The following LHFPL6 variants were observed in gnomAD, a reference collection of about 807,000 sequenced individuals.
The protein encoded by LHFPL6 is LHFPL tetraspan subfamily member 6 protein.
A neutral mutation model predicts 20.6 loss-of-function variants in LHFPL6; 9 were observed. The ratio of observed to expected loss-of-function variants is 0.44; its 90% CI spans 0.26 to 0.76. The LOEUF is 0.76. Ranked by LOEUF, LHFPL6 falls within the 30% of genes least tolerant of loss-of-function variation. The pLI is 0.20. For missense variants in LHFPL6, 218 were observed against 253.5 expected (o/e 0.86, Z 0.95); for synonymous variants, 105 against 98.7 (o/e 1.06, Z -0.38).
intron 2 of LHFPL6, among the ~76,000 whole-genome samples, chr13:39,409,740 T>G (rs1353935213): frequency 1.3e-5 from 2 of 152,088 alleles, no homozygotes; most frequent in East Asian, 3.9e-4. Flanking sequence ...CAGGTAACAG[T>G]AATTACAAAT....
At chr13:39,452,787 A>G (rs1872484896) in intron 2 of LHFPL6, among the ~76,000 whole-genome samples, 1 of 152,212 alleles carries the variant, frequency 6.6e-6, no homozygotes, top group South Asian at 2.1e-4. Flanking sequence ...AGACATATCC[A>G]TTGATAGTAT....
chr13:39,557,919 C>A (rs1871358538), intron 2 of LHFPL6, among the ~76,000 whole-genome samples: 1 of 152,128 alleles, frequency 6.6e-6, no homozygotes, highest in Non-Finnish European at 1.5e-5. Flanking sequence ...TCCCCCTTTG[C>A]TCTCTCATTC....
chr13:39,560,018 A>T (rs982278311), intron 2 of LHFPL6, among the ~76,000 whole-genome samples: 3 of 152,162 alleles, frequency 2.0e-5, no homozygotes, highest in African/African-American at 7.2e-5. Context: ...CACCCACAAG[A>T]CCAACTGAGC....
chr13:39,564,535 G>A (rs949548155), intron 2 of LHFPL6, among the ~76,000 whole-genome samples: 6 of 152,196 alleles, frequency 3.9e-5, no homozygotes, highest in East Asian at 1.9e-4. Flanking sequence ...TGCACCACCC[G>A]TAGCCACCAT....
intron 3 of LHFPL6, among the ~76,000 whole-genome samples, chr13:39,345,356 T>C (rs1162709873): frequency 6.6e-6 from 1 of 150,468 alleles, no homozygotes; most frequent in East Asian, 2.0e-4. Context: ...CTACTAAAAA[T>C]ACAAAAATTA....
chr13:39,365,372 C>T (rs755806443), intron 3 of LHFPL6, among the ~76,000 whole-genome samples: 28 of 152,158 alleles, frequency 1.8e-4, no homozygotes, highest in Admixed American at 9.8e-4. Context: ...ACCTAGAGAA[C>T]CGGAACGGAA....
chr13:39,509,052 A>G (rs1869593301), intron 2 of LHFPL6, among the ~76,000 whole-genome samples: 1 of 152,182 alleles, frequency 6.6e-6, no homozygotes, highest in Non-Finnish European at 1.5e-5. Flanking sequence ...TAAGCACTGA[A>G]TGGTATCTCA....
intron 3 of LHFPL6, among the ~76,000 whole-genome samples, chr13:39,359,695 C>T (rs182438930): frequency 1.3e-3 from 191 of 152,078 alleles, no homozygotes; most frequent in African/African-American, 3.7e-3. Flanking sequence ...TCTTCGGTGA[C>T]GGATTCAATC....
chr13:39,558,624 C>T (rs1356877622), intron 2 of LHFPL6, among the ~76,000 whole-genome samples: 1 of 152,162 alleles, frequency 6.6e-6, no homozygotes, highest in East Asian at 1.9e-4. Context: ...CAAATATATT[C>T]ATTAAAGCAG....
rs117490374 is a variant in LHFPL6, at chr13:39,555,763, T to G, written c.385+45069A>C. Among the ~76,000 whole-genome samples, 104 of 152,318 alleles carry G rather than the reference T, an allele frequency of 6.8e-4. 1 individual carries two copies. The East Asian group carries it at 0.012, about 17-fold the overall frequency. ...AAACTGATAAATATTTTCATGGCCT[T>G]CAACAAGAAATTTCAATTAATAAGG... On this transcript the variant is annotated intron_variant, in intron 2 of 3. Coordinates refer to ENST00000379589, the MANE Select transcript of LHFPL6 (RefSeq NM_005780.3).
At chr13:39,436,700 A>C (rs1871966848) in intron 2 of LHFPL6, among the ~76,000 whole-genome samples, 1 of 152,254 alleles carries the variant, frequency 6.6e-6, no homozygotes, top group African/African-American at 2.4e-5. Context: ...TATGTATTAT[A>C]AAGCACAGCA....
At chr13:39,524,304 G>T (rs1870216013) in intron 2 of LHFPL6, among the ~76,000 whole-genome samples, 2 of 147,810 alleles carry the variant, frequency 1.4e-5, no homozygotes. Flanking sequence ...TTTTGTTTTT[G>T]TTTTTAGGAA....
chr13:39,369,585 T>C, intron 3 of LHFPL6, among the ~76,000 whole-genome samples: 1 of 145,756 alleles, frequency 6.9e-6, no homozygotes, highest in Non-Finnish European at 1.5e-5. Flanking sequence ...CTTCCTTCCT[T>C]CCTTCCTTCC....
At chr13:39,594,137 A>C (rs1872701542) in intron 2 of LHFPL6, among the ~76,000 whole-genome samples, 1 of 152,212 alleles carries the variant, frequency 6.6e-6, no homozygotes, top group Non-Finnish European at 1.5e-5. Context: ...AAACTAAAGA[A>C]CTTCTGCACA....
At chr13:39,420,962 T>TC (rs1566107439) in intron 2 of LHFPL6, among the ~76,000 whole-genome samples, 61 of 152,302 alleles carry the variant, frequency 4.0e-4, no homozygotes, top group African/African-American at 1.3e-3. Context: ...ATCTGTGTTT[T>TC]TCCCCCCCCT....
intron 2 of LHFPL6, among the ~76,000 whole-genome samples, chr13:39,512,903 A>T (rs1265393813): frequency 6.6e-6 from 1 of 152,234 alleles, no homozygotes; most frequent in East Asian, 1.9e-4. Flanking sequence ...GGCAGGCTTG[A>T]AAGACGTGCC....
chr13:39,466,923 T>C (rs1872818517), intron 2 of LHFPL6, among the ~76,000 whole-genome samples: 1 of 152,240 alleles, frequency 6.6e-6, no homozygotes, highest in Admixed American at 6.5e-5. Context: ...ACACCATCAT[T>C]ATTCATCTAT....
chr13:39,488,137 G>A (rs115924286), intron 2 of LHFPL6, among the ~76,000 whole-genome samples: 2,052 of 152,212 alleles, frequency 0.013, 43 homozygotes, highest in African/African-American at 0.047. Flanking sequence ...AGAGGCTCCA[G>A]GGAGCATATT....
intron 2 of LHFPL6, among the ~76,000 whole-genome samples, chr13:39,491,026 T>C (rs1313281364): frequency 1.3e-5 from 2 of 152,190 alleles, no homozygotes; most frequent in Admixed American, 6.5e-5. Context: ...AAAATAAAGA[T>C]AGTGACTGCA....
Sources: gnomAD v4.1 joint callset for allele counts (sites outside exome capture counted in the v4.1 genomes callset) on GRCh38, gnomAD v4.1.1 for gene constraint, MANE v1.5 for transcripts, NCBI Gene and HGNC (gene_info 2026-07-23, HGNC 2026-07-21) for gene names.